Variants in RSAD2 observed in about 807,000 individuals in gnomAD.
The protein encoded by RSAD2 is S-adenosylmethionine-dependent nucleotide dehydratase RSAD2.
Under a neutral mutation model 37.7 loss-of-function variants are expected in RSAD2, and 38 were observed. The observed-to-expected ratio is 1.01, with a 90% confidence interval of 0.78 to 1.32. The LOEUF (loss-of-function observed/expected upper bound fraction) is 1.32, where lower values mean the gene tolerates loss of function less well. Among genes scored for constraint, RSAD2 ranks in the 40% most tolerant of loss-of-function variants. The probability of loss-of-function intolerance (pLI) is 0.00; values close to 1 mark genes in which losing one functional copy is unlikely to be tolerated. For missense variants in RSAD2, 428 were observed against 437.5 expected (o/e 0.98, Z 0.19); for synonymous variants, 163 against 157.4 (o/e 1.04, Z -0.27).
At chr2:6,885,565 G>A (rs1345532997) in intron 2 of RSAD2, among the ~76,000 whole-genome samples, 2 of 152,200 alleles carry the variant, frequency 1.3e-5, no homozygotes, top group African/African-American at 4.8e-5. Context: ...CTGGAAAGAT[G>A]TAGGGACTGA....
chr2:6,877,737 T>C, upstream of RSAD2: 1 of 1,283,100 alleles, frequency 7.8e-7, no homozygotes, highest in Non-Finnish European at 1.1e-6. Context: ...ACTGCTGATT[T>C]CCATCCCTAT....
chr2:6,886,884 A>G (rs1242528951), intron 2 of RSAD2, 51 bp from the exon 3 acceptor site: 4 of 1,396,302 alleles, frequency 2.9e-6, no homozygotes, highest in Non-Finnish European at 4.0e-6. Flanking sequence ...AAATAGCCCA[A>G]GGGGCTTGGT....
chr2:6,869,143 GA>G (rs1663160133), intron 1 of RSAD2, among the ~76,000 whole-genome samples: 1 of 152,186 alleles, frequency 6.6e-6, no homozygotes, highest in Non-Finnish European at 1.5e-5. Context: ...TTCACTGCTG[GA>G]GGGAGCACAC....
intron 1 of RSAD2, among the ~76,000 whole-genome samples, chr2:6,868,976 C>T (rs781709253): frequency 2.0e-5 from 3 of 152,216 alleles, no homozygotes; most frequent in African/African-American, 2.4e-5. Flanking sequence ...TCAAGATTAA[C>T]GATGTGCACC....
Position 6,890,625 on chromosome 2 carries a change from A to C in RSAD2, c.888+300A>C, listed in dbSNP as rs2305259. On this transcript the variant is annotated intron_variant, in intron 4 of 5. Transcript: ENST00000382040. ...ATATTCTTGCTATATGATTCATATAAGTATAATGTCCCTATGTGTCATACA... is the reference window on the plus strand; with the variant it reads ...ATATTCTTGCTATATGATTCATATACGTATAATGTCCCTATGTGTCATACA... Among the ~76,000 whole-genome samples the C allele has an allele frequency of 2.0e-5, 3 of 152,256 alleles. No homozygotes were observed. In the East Asian group the frequency reaches 5.8e-4, roughly 29 times the overall value.
At position 6,880,288 on chromosome 2, in the gene RSAD2, C is replaced by A. The variant is rs192937740; in HGVS notation, c.346+2142C>A. Reference sequence around the variant, plus strand: ...CAGGTTTATTTTAGAGAAAAAAAACCTGAGAGGGGCTTCTGGCTGAGTTAA... The same window carrying A: ...CAGGTTTATTTTAGAGAAAAAAAACATGAGAGGGGCTTCTGGCTGAGTTAA... On this transcript the variant is annotated intron_variant, in intron 1 of 5. Coordinates refer to ENST00000382040, the MANE Select transcript of RSAD2 (RefSeq NM_080657.5). Among the ~76,000 whole-genome samples the A allele has an allele frequency of 1.1e-4, 16 of 152,248 alleles. No individual in the cohort carries two copies. In the East Asian group the frequency reaches 1.4e-3, roughly 13 times the overall value.
chr2:6,878,294 T>C lies in RSAD2; in HGVS notation c.346+148T>C, dbSNP rs1380420872. On this transcript the variant is annotated intron_variant, in intron 1 of 5. Coordinates refer to ENST00000382040, the MANE Select transcript of RSAD2 (RefSeq NM_080657.5). The stretch of plus-strand genomic sequence containing the variant: ...CCCTTGCATGGTGAGCATGTTGTCC[T>C]ATGAGAAAATAATTCAGTGAATTTT... 5 of 670,524 alleles carry C rather than the reference T, an allele frequency of 7.5e-6. No homozygotes were observed. The African/African-American group carries it at 9.1e-5, about 12-fold the overall frequency. 41.5% of individuals were successfully genotyped at this position (670,524 alleles called of 1,614,324 possible). A position where few individuals can be genotyped will look rare whatever the true frequency, so the allele number is the denominator to read the frequency against.
Position 6,887,154 on chromosome 2 carries a change from TC to T in RSAD2, c.730del (p.Arg244AlafsTer9), listed in dbSNP as rs1663539050. On this transcript the variant is annotated frameshift_variant, in exon 3 of 6. Transcript: ENST00000382040. LOFTEE classifies it high-confidence loss of function. ...GAACAGATCAAAGCACTAAACCCTG[TC>T]CGCTGGAAAGTAAGTACACAAGGTC... ...MTEQIKALNP[V>X]RWKVFQCLLI... The T allele has an allele frequency of 6.2e-7, 1 of 1,613,064 alleles. No individual in the cohort carries two copies.
upstream of RSAD2, among the ~76,000 whole-genome samples, chr2:6,873,798 T>C (rs912987759): frequency 1.3e-5 from 2 of 152,258 alleles, no homozygotes; most frequent in African/African-American, 4.8e-5. Context: ...ATTAGGCTTA[T>C]TTGGCAAATC....
rs960839930 is a variant in RSAD2, at chr2:6,878,724, C to T, written c.346+578C>T. ...GCATCACCACATTAGTAACTGGCAG[C>T]GTCTTGGAGAGAACTCAGCACGTGA... On this transcript the variant is annotated intron_variant, in intron 1 of 5. Coordinates refer to ENST00000382040, the MANE Select transcript of RSAD2 (RefSeq NM_080657.5). 7 of 555,200 alleles carry T rather than the reference C, an allele frequency of 1.3e-5. No homozygotes were observed. The Admixed American group carries it at 2.2e-4, about 17-fold the overall frequency. 34.4% of individuals were successfully genotyped at this position (555,200 alleles called of 1,614,324 possible).
chr2:6,867,938 C>A (rs1454862982), intron 1 of RSAD2, among the ~76,000 whole-genome samples: 55 of 152,096 alleles, frequency 3.6e-4, no homozygotes, highest in Admixed American at 3.5e-3. Context: ...ATAAAAATTT[C>A]TGTTAGATTT....
intron 1 of RSAD2, among the ~76,000 whole-genome samples, chr2:6,868,836 A>G (rs1407162420): frequency 6.6e-6 from 1 of 152,144 alleles, no homozygotes; most frequent in Non-Finnish European, 1.5e-5. Context: ...TCAAACCATG[A>G]TTGCTGTTGG....
At chr2:6,884,090 C>A (rs772244766) in intron 2 of RSAD2, among the ~76,000 whole-genome samples, 16 of 152,248 alleles carry the variant, frequency 1.1e-4, no homozygotes, top group Non-Finnish European at 2.2e-4. Flanking sequence ...AAAACATTAG[C>A]TCTTCTTATA....
chr2:6,877,754 A>G (rs1376554208), upstream of RSAD2: 4 of 1,434,812 alleles, frequency 2.8e-6, no homozygotes, highest in South Asian at 3.8e-5. Flanking sequence ...CTATATAAAG[A>G]GAGTCCCTGG....
At chr2:6,881,186 A>T (rs1663391927) in intron 1 of RSAD2, among the ~76,000 whole-genome samples, 1 of 151,986 alleles carries the variant, frequency 6.6e-6, no homozygotes, top group African/African-American at 2.4e-5. Context: ...ACATCACCAC[A>T]CTTCTTAGGT....
chr2:6,878,866 C>A lies in RSAD2; in HGVS notation c.346+720C>A. ...TCAGCAACATCTCTAGCTTCTTTCC[C>A]TCCTTGTTTAACTTTTTAACAAAAG... On this transcript the variant is annotated intron_variant, in intron 1 of 5. Transcript: ENST00000382040. The A allele has an allele frequency of 7.3e-6, 9 of 1,229,120 alleles. No individual in the cohort carries two copies. In the South Asian group the frequency reaches 1.1e-4, roughly 15 times the overall value. The allele number at this position is 1,229,120 out of a possible 1,614,324, so 76.1% of individuals were successfully genotyped here.
exon 1 of RSAD2, chr2:6,865,983 C>A: frequency 1.1e-6 from 1 of 898,590 alleles, no homozygotes. Context: ...CGGGCCTGCG[C>A]GGTCCCCAGG....
At chr2:6,890,603 T>C (rs1485325540) in intron 4 of RSAD2, among the ~76,000 whole-genome samples, 1 of 152,180 alleles carries the variant, frequency 6.6e-6, no homozygotes, top group Admixed American at 6.5e-5. Flanking sequence ...CATGTAGATA[T>C]TCTTGCTATA....
chr2:6,896,008 G>A lies in RSAD2; in HGVS notation c.*66G>A. 2.0e-6 allele frequency: 3 copies of A among 1,490,898 alleles called. No individual in the cohort carries two copies. The highest frequency in any genetic ancestry group is 2.8e-6 in the Non-Finnish European group (3 of 1,086,776). The allele number at this position is 1,490,898 out of a possible 1,614,324, so 92.4% of individuals were successfully genotyped here. ...ACTCCTAGAGTAACTGCCATTGTCT[G>A]CAATACTATCCCGTTGGTATTTCCC... is the stretch of plus-strand genomic sequence containing the variant. On this transcript the variant is annotated 3_prime_UTR_variant, in exon 6 of 6. Transcript: ENST00000382040.
Sources: gnomAD v4.1 joint callset for allele counts (sites outside exome capture counted in the v4.1 genomes callset) on GRCh38, gnomAD v4.1.1 for gene constraint, MANE v1.5 for transcripts, NCBI Gene and HGNC (gene_info 2026-07-23, HGNC 2026-07-21) for gene names.